The following NANS variants were observed in gnomAD, a reference collection of about 807,000 sequenced individuals.
The protein encoded by NANS is N-acetylneuraminate-9-phosphate synthase.
Under a neutral mutation model 33.3 loss-of-function variants are expected in NANS, and 29 were observed. That is an observed-to-expected ratio of 0.87 (90% CI 0.65 to 1.19). The LOEUF (loss-of-function observed/expected upper bound fraction) is 1.19, where lower values mean the gene tolerates loss of function less well. Ranked by LOEUF, NANS falls within the 50% of genes most tolerant of loss-of-function variation. NANS has a pLI of 0.00. For missense variants in NANS, 394 were observed against 461.1 expected, an observed-to-expected ratio of 0.85 and a Z score of 1.33; for synonymous variants, 163 against 177.2, an observed-to-expected ratio of 0.92 and a Z score of 0.64.
intron 4 of NANS, among the ~76,000 whole-genome samples, chr9:98,079,767 T>C (rs891264453): frequency 9.9e-5 from 15 of 152,220 alleles, no homozygotes; most frequent in African/African-American, 3.4e-4. Flanking sequence ...ACACTACACA[T>C]TGCAGGAGTT....
chr9:98,081,118 G>C (rs748861337), intron 5 of NANS, 36 bp downstream of exon 5: 2 of 1,608,960 alleles, frequency 1.2e-6, no homozygotes. Flanking sequence ...TTCTGCTGCC[G>C]TGTGTGGAAA....
chr9:98,078,770 GGTT>G (rs1829708886), intron 4 of NANS, among the ~76,000 whole-genome samples: 1 of 150,568 alleles, frequency 6.6e-6, no homozygotes, highest in Non-Finnish European at 1.5e-5. Flanking sequence ...AGGAGGCAGA[GGTT>G]GCAGTGAGCC....
Position 98,057,266 on chromosome 9 carries a change from G to A in NANS, c.132+326G>A, listed in dbSNP as rs529273582. Among the ~76,000 whole-genome samples the A allele has an allele frequency of 2.7e-4, 41 of 152,360 alleles. 1 individual carries two copies. In the South Asian group the frequency reaches 7.7e-3, roughly 28 times the overall value. On this transcript the variant is annotated intron_variant, in intron 1 of 5. Transcript: ENST00000210444. ...TGTGGCTCCCTCCTGCCCGCGGGTAGAGTCGAAACCCTTTAACATAGCCTT... is the reference window on the plus strand; with the variant it reads ...TGTGGCTCCCTCCTGCCCGCGGGTAAAGTCGAAACCCTTTAACATAGCCTT...
Position 98,056,749 on chromosome 9 carries a change from C to A in NANS, c.-60C>A. On this transcript the variant is annotated 5_prime_UTR_variant, in exon 1 of 6. Coordinates refer to ENST00000210444, the MANE Select transcript of NANS (RefSeq NM_018946.4). ...CGTTGCTCACAGAACAGAGTAGAGG[C>A]GGCGGCGGCGGCGGCCGGACCCAGA... 2 of 1,512,320 alleles carry A rather than the reference C, an allele frequency of 1.3e-6. No individual in the cohort carries two copies. Among genetic ancestry groups the A allele is most frequent in the South Asian group, 2.4e-5 (2 of 84,866 alleles). 93.7% of individuals were successfully genotyped at this position (1,512,320 alleles called of 1,614,324 possible). A position where few individuals can be genotyped will look rare whatever the true frequency, so the allele number is the denominator to read the frequency against.
At chr9:98,072,704 C>T (rs547554229) in intron 2 of NANS, among the ~76,000 whole-genome samples, 19 of 152,160 alleles carry the variant, frequency 1.2e-4, no homozygotes, top group African/African-American at 3.6e-4. Flanking sequence ...CCACCGTGCC[C>T]GGCAGGAAAG....
At chr9:98,078,405 C>G (rs1587926892) in intron 4 of NANS, 58 bp downstream of exon 4, 14 of 1,556,562 alleles carry the variant, frequency 9.0e-6, no homozygotes, top group Non-Finnish European at 1.1e-5. Flanking sequence ...AAGGCGTAGT[C>G]TTTTTTATAA....
intron 2 of NANS, among the ~76,000 whole-genome samples, chr9:98,067,771 G>A (rs1401084140): frequency 6.6e-6 from 1 of 151,760 alleles, no homozygotes; most frequent in Non-Finnish European, 1.5e-5. Context: ...CCAGGCTGGA[G>A]TGCAGAGTGG....
chr9:98,076,971 T>A lies in NANS; in HGVS notation c.402T>A (p.Ser134=). ...ATGTTCCATTTTTCAAAGTTGGATC[T>A]GGAGACACTAATAATTTTCCTTATC... The part of the protein sequence containing the change: ...ELNVPFFKVG[S]GDTNNFPYLE... Residue 134 remains serine, a synonymous_variant, in exon 3 of 6, where the codon TCT becomes TCA. Transcript: ENST00000210444. 2 of 1,611,860 alleles carry A rather than the reference T, an allele frequency of 1.2e-6. No individual in the cohort carries two copies. The highest frequency in any genetic ancestry group is 1.7e-6 in the Non-Finnish European group (2 of 1,179,398).
chr9:98,061,092 T>G, intron 2 of NANS, 95 bp downstream of exon 2: 1 of 1,190,850 alleles, frequency 8.4e-7, no homozygotes, highest in South Asian at 1.3e-5. Context: ...CTCCAGCCCT[T>G]GCTCATCCTT....
At chr9:98,060,727 CCTT>C in intron 1 of NANS, 52 bp from the exon 2 acceptor site, 1 of 1,541,862 alleles carries the variant, frequency 6.5e-7, no homozygotes, top group Non-Finnish European at 8.9e-7. Context: ...AGAATTTTTT[CCTT>C]TTTTTGAGAA....
intron 2 of NANS, among the ~76,000 whole-genome samples, chr9:98,072,798 A>T (rs1345639399): frequency 1.3e-5 from 2 of 152,076 alleles, no homozygotes; most frequent in East Asian, 3.9e-4. Flanking sequence ...CTTGTTCTGT[A>T]TTTACCTAGC....
intron 2 of NANS, among the ~76,000 whole-genome samples, chr9:98,068,228 G>A (rs1375523707): frequency 2.6e-5 from 4 of 152,046 alleles, no homozygotes; most frequent in East Asian, 1.9e-4. Context: ...TCCAACTCCC[G>A]GGTTCAAGCG....
In NANS at chr9:98,056,764, C is replaced by T. The variant is rs1430136559; in HGVS notation, c.-45C>T. 16 of 1,594,376 alleles carry T rather than the reference C, an allele frequency of 1.0e-5. No individual in the cohort carries two copies. The highest frequency in any genetic ancestry group is 1.2e-5 in the Non-Finnish European group (14 of 1,174,042). Reference sequence around the variant, plus strand: ...AGAGTAGAGGCGGCGGCGGCGGCGGCCGGACCCAGACTGGTAGTGAGGCTT... The same window carrying T: ...AGAGTAGAGGCGGCGGCGGCGGCGGTCGGACCCAGACTGGTAGTGAGGCTT... On this transcript the variant is annotated 5_prime_UTR_variant, in exon 1 of 6. Transcript: ENST00000210444.
chr9:98,072,495 T>G (rs531506002), intron 2 of NANS, among the ~76,000 whole-genome samples: 1 of 150,960 alleles, frequency 6.6e-6, no homozygotes, highest in East Asian at 2.0e-4. Flanking sequence ...CACTGCAACC[T>G]CCACCTCACG....
intron 2 of NANS, among the ~76,000 whole-genome samples, chr9:98,067,439 T>C (rs1220089577): frequency 6.6e-6 from 1 of 152,212 alleles, no homozygotes; most frequent in Non-Finnish European, 1.5e-5. Context: ...GCCATCCTAG[T>C]GGATGTGACA....
At position 98,079,930 on chromosome 9, in the gene NANS, G is replaced by A. The variant is rs114647083; in HGVS notation, c.604-886G>A. ...CCTAATCTTTTGTTAAATCCCACCT[G>A]AGGCCAGACACCGTGGCTCATGCCA... On this transcript the variant is annotated intron_variant, in intron 4 of 5. Transcript: ENST00000210444. Among the ~76,000 whole-genome samples, 665 of 152,292 alleles carry A rather than the reference G, an allele frequency of 4.4e-3. 2 individuals are homozygous for A. Among genetic ancestry groups the A allele is most frequent in the African/African-American group, 0.015 (625 of 41,562 alleles).
Position 98,080,878 on chromosome 9 carries a change from G to A in NANS, c.666G>A (p.Ala222=), listed in dbSNP as rs1564166226. The change falls in exon 5 of 6, where the codon GCG becomes GCA. Residue 222 remains alanine, a synonymous_variant. Coordinates refer to ENST00000210444, the MANE Select transcript of NANS (RefSeq NM_018946.4). The part of the protein sequence containing the change: ...IGYSGHETGI[A]ISVAAVALGA... The stretch of plus-strand genomic sequence containing the variant: ...ATTCTGGGCATGAAACAGGCATAGC[G>A]ATATCTGTGGCCGCAGTGGCTCTGG... 12 of 1,614,024 alleles carry A rather than the reference G, an allele frequency of 7.4e-6. No homozygotes were observed. The highest frequency in any genetic ancestry group is 4.0e-5 in the African/African-American group (3 of 75,056).
intron 2 of NANS, among the ~76,000 whole-genome samples, chr9:98,068,404 G>A (rs1236606972): frequency 6.6e-6 from 1 of 151,876 alleles, no homozygotes; most frequent in Non-Finnish European, 1.5e-5. Flanking sequence ...CCTCCCAAAT[G>A]CTAGGATTAC....
intron 5 of NANS, 132 bp from the exon 6 acceptor site, chr9:98,082,714 T>C (rs759467457): frequency 1.2e-4 from 85 of 722,170 alleles, no homozygotes; most frequent in African/African-American, 1.8e-4. Context: ...CTGAGCAGTG[T>C]AGGGGGCAAC....
Sources: allele counts gnomAD v4.1 joint callset (sites outside exome capture counted in the v4.1 genomes callset), GRCh38; gene constraint gnomAD v4.1.1; transcripts MANE v1.5; gene names NCBI Gene and HGNC (gene_info 2026-07-23, HGNC 2026-07-21).